The following PDE1C variants were observed in gnomAD, a reference collection of about 807,000 sequenced individuals.
PDE1C encodes the protein phosphodiesterase 1C.
A neutral mutation model predicts 93.1 loss-of-function variants in PDE1C; 62 were observed. The ratio of observed to expected loss-of-function variants is 0.67; its 90% CI spans 0.54 to 0.82. The LOEUF (loss-of-function observed/expected upper bound fraction) is 0.82, where lower values mean the gene tolerates loss of function less well. PDE1C is among the 40% of genes least tolerant of loss of function. The probability of loss-of-function intolerance (pLI) is 0.00; values close to 1 mark genes in which losing one functional copy is unlikely to be tolerated. For missense variants in PDE1C, 742 were observed against 884.6 expected (o/e 0.84, Z 2.04); for synonymous variants, 325 against 310.1 (o/e 1.05, Z -0.50).
At chr7:32,104,401 T>A (rs945197423) in intron 3 of PDE1C, among the ~76,000 whole-genome samples, 1 of 152,202 alleles carries the variant, frequency 6.6e-6, no homozygotes, top group African/African-American at 2.4e-5. Context: ...AACCTGGAGC[T>A]TTATGCCTAG....
chr7:31,666,728 T>C, the PDE1C span, among the ~76,000 whole-genome samples: 1 of 152,188 alleles, frequency 6.6e-6, no homozygotes, highest in Non-Finnish European at 1.5e-5. Context: ...AGAATATTCC[T>C]ATCACCCCAA....
At chr7:32,019,151 A>T (rs56381200) in intron 2 of PDE1C, among the ~76,000 whole-genome samples, 17,212 of 124,094 alleles carry the variant, frequency 0.14, 1,021 homozygotes, top group Non-Finnish European at 0.15. Flanking sequence ...ATGTTGTTTT[A>T]AAAAAAAAAA....
intron 1 of PDE1C, among the ~76,000 whole-genome samples, chr7:32,267,577 C>A (rs1441585305): frequency 1.2e-5 from 1 of 83,498 alleles, no homozygotes; most frequent in Non-Finnish European, 2.9e-5. Context: ...CTCTCTCACA[C>A]ACACACACAC....
the PDE1C span, among the ~76,000 whole-genome samples, chr7:31,625,076 T>C: frequency 5.3e-5 from 8 of 152,066 alleles, no homozygotes; most frequent in South Asian, 2.1e-4. Flanking sequence ...CAATGAGATA[T>C]CATCTCACAC....
chr7:31,664,220 G>T, the PDE1C span, among the ~76,000 whole-genome samples: 1 of 152,198 alleles, frequency 6.6e-6, no homozygotes, highest in East Asian at 1.9e-4. Flanking sequence ...GGAGTAGGCA[G>T]CAGTCTGCTC....
At chr7:31,971,285 A>G (rs1356732993) in intron 2 of PDE1C, among the ~76,000 whole-genome samples, 3 of 152,116 alleles carry the variant, frequency 2.0e-5, no homozygotes, top group East Asian at 3.9e-4. Context: ...TGTGGTAGGT[A>G]TATTACCCTT....
chr7:31,705,986 A>ATTTTTTTTT, the PDE1C span, among the ~76,000 whole-genome samples: 60 of 52,510 alleles, frequency 1.1e-3, 12 homozygotes, highest in Non-Finnish European at 1.6e-3. Context: ...CAGACCAGTA[A>ATTTTTTTTT]TTTTTTTTTT....
chr7:31,808,884 AATAGTACCCTTTAAAT>A (rs1254050059), intron 16 of PDE1C, 131 bp downstream of exon 16: 1 of 524,600 alleles, frequency 1.9e-6, no homozygotes, highest in East Asian at 3.0e-5. Context: ...ATAAAGGGAT[AATAGTACCCTTTAAAT>A]ATAGTGAAGG....
intron 1 of PDE1C, among the ~76,000 whole-genome samples, chr7:32,381,477 T>C (rs1251792229): frequency 6.6e-6 from 1 of 152,136 alleles, no homozygotes; most frequent in Non-Finnish European, 1.5e-5. Context: ...TTACCCCAAC[T>C]ACTTCTGTGC....
At chr7:32,205,499 A>G (rs1331090614) in intron 2 of PDE1C, among the ~76,000 whole-genome samples, 2 of 152,114 alleles carry the variant, frequency 1.3e-5, no homozygotes, top group East Asian at 3.9e-4. Flanking sequence ...ACTCTGTAAA[A>G]TGGACCAATC....
At chr7:32,407,567 G>A (rs2128097081) in intron 1 of PDE1C, among the ~76,000 whole-genome samples, 1 of 152,280 alleles carries the variant, frequency 6.6e-6, no homozygotes. Context: ...TCATGTGCAA[G>A]CTCACAGAGA....
chr7:32,371,206 A>G (rs964764945), intron 1 of PDE1C, among the ~76,000 whole-genome samples: 8 of 152,108 alleles, frequency 5.3e-5, no homozygotes, highest in African/African-American at 1.9e-4. Context: ...AAAACAAAAC[A>G]AAATTCTTGT....
chr7:31,642,296 T>C, the PDE1C span: 1 of 1,364,748 alleles, frequency 7.3e-7, no homozygotes, highest in Non-Finnish European at 1.0e-6. Flanking sequence ...TGCTCATCCC[T>C]AACATCCCAC....
intron 3 of PDE1C, among the ~76,000 whole-genome samples, chr7:32,145,558 T>A (rs550737115): frequency 1.3e-5 from 2 of 152,338 alleles, no homozygotes; most frequent in South Asian, 4.1e-4. Flanking sequence ...TACAATACAG[T>A]AATTTATAGT....
intron 1 of PDE1C, among the ~76,000 whole-genome samples, chr7:32,061,621 C>G (rs1032499213): frequency 6.6e-6 from 1 of 152,248 alleles, no homozygotes; most frequent in Non-Finnish European, 1.5e-5. Context: ...CCCAGAAGGT[C>G]CGTGATGAGG....
intron 2 of PDE1C, among the ~76,000 whole-genome samples, chr7:31,912,835 A>ATT (rs544319255): frequency 6.7e-6 from 1 of 150,074 alleles, no homozygotes; most frequent in African/African-American, 2.4e-5. Flanking sequence ...TGGAAAATAG[A>ATT]TTTTTTTTTT....
At chr7:32,139,210 A>T (rs1040812621) in intron 3 of PDE1C, among the ~76,000 whole-genome samples, 7 of 151,382 alleles carry the variant, frequency 4.6e-5, no homozygotes, top group Non-Finnish European at 8.8e-5. Flanking sequence ...ATCACGGCTC[A>T]CTGCAACCTT....
chr7:31,700,250 G>T, the PDE1C span, among the ~76,000 whole-genome samples: 2 of 152,164 alleles, frequency 1.3e-5, no homozygotes. Flanking sequence ...GTGAACACAG[G>T]AATGATATGG....
At chr7:32,293,211 A>G (rs1178785021) in intron 1 of PDE1C, among the ~76,000 whole-genome samples, 2 of 152,176 alleles carry the variant, frequency 1.3e-5, no homozygotes, top group African/African-American at 4.8e-5. Context: ...TACCACCTCC[A>G]TTTATTCAGA....
Sources: allele counts gnomAD v4.1 joint callset (sites outside exome capture counted in the v4.1 genomes callset), GRCh38; gene constraint gnomAD v4.1.1; transcripts MANE v1.5; gene names NCBI Gene and HGNC (gene_info 2026-07-23, HGNC 2026-07-21).